CDKAL1: variants seen among roughly 807,000 people sequenced by gnomAD.
The protein encoded by CDKAL1 is threonylcarbamoyladenosine tRNA methylthiotransferase.
In CDKAL1, 32 loss-of-function variants were observed where a neutral mutation model predicts 68.2. The ratio of observed to expected loss-of-function variants is 0.47; its 90% CI spans 0.35 to 0.63. The LOEUF is 0.63. Among genes scored for constraint, CDKAL1 ranks in the 30% least tolerant of loss-of-function variants. The pLI is 0.00. For synonymous variants in CDKAL1, 234 were observed against 244.3 expected, an observed-to-expected ratio of 0.96 and a Z score of 0.39; for missense variants, 606 against 696.7, an observed-to-expected ratio of 0.87 and a Z score of 1.47.
chr6:20,861,039 G>A (rs1338404227), intron 9 of CDKAL1, among the ~76,000 whole-genome samples: 1 of 148,684 alleles, frequency 6.7e-6, no homozygotes, highest in Non-Finnish European at 1.5e-5. Flanking sequence ...AAATACCTTT[G>A]CCAGTAGTGA....
intron 4 of CDKAL1, among the ~76,000 whole-genome samples, chr6:20,620,367 ATGTT>A (rs1200611321): frequency 6.6e-6 from 1 of 152,192 alleles, no homozygotes; most frequent in Non-Finnish European, 1.5e-5. Flanking sequence ...AAGAATTTAA[ATGTT>A]TGTGCCATTT....
Position 20,541,754 on chromosome 6 carries a change from G to A in CDKAL1, c.-5-4592G>A, listed in dbSNP as rs1763397270. On this transcript the variant is annotated intron_variant, in intron 2 of 15. Transcript: ENST00000274695. Reference sequence around the variant, plus strand: ...CGGCTAACCAAAACCTCTGCCTCCCGGGTTCAAGCAATTCTCCTGTCTCAG... The same window carrying A: ...CGGCTAACCAAAACCTCTGCCTCCCAGGTTCAAGCAATTCTCCTGTCTCAG... 2.0e-5 allele frequency among the ~76,000 whole-genome samples: 3 copies of A among 152,032 alleles called. 1 individual carries two copies. The highest frequency in any genetic ancestry group is 4.2e-4 in the South Asian group (2 of 4,818).
intron 5 of CDKAL1, among the ~76,000 whole-genome samples, chr6:20,682,758 A>G (rs1470494300): frequency 6.6e-6 from 1 of 152,218 alleles, no homozygotes; most frequent in Non-Finnish European, 1.5e-5. Context: ...GATTTACTAT[A>G]GCTGTGCTAT....
rs540199929 is a variant in CDKAL1, at chr6:20,697,486, CTTAA to C, written c.372-42028_372-42025del. The stretch of plus-strand genomic sequence containing the variant: ...ATACATTGTATAATTTAAGCAAAAA[CTTAA>C]TTAAGAAAAAAATCATTGGTGGACT... On this transcript the variant is annotated intron_variant, in intron 5 of 15. Coordinates refer to ENST00000274695, the MANE Select transcript of CDKAL1 (RefSeq NM_017774.3). 1.8e-4 allele frequency among the ~76,000 whole-genome samples: 28 copies of C among 152,194 alleles called. 1 individual carries two copies. In the South Asian group the frequency reaches 4.8e-3, roughly 26 times the overall value.
intron 10 of CDKAL1, among the ~76,000 whole-genome samples, chr6:20,978,959 T>C (rs982889554): frequency 1.3e-5 from 2 of 152,186 alleles, no homozygotes; most frequent in Admixed American, 6.5e-5. Context: ...TAAAAAGGAT[T>C]TTAATTTTAG....
At chr6:21,141,143 A>G (rs1413801818) in intron 13 of CDKAL1, among the ~76,000 whole-genome samples, 5 of 152,014 alleles carry the variant, frequency 3.3e-5, no homozygotes, top group Non-Finnish European at 5.9e-5. Flanking sequence ...CAAGCCTTAT[A>G]TTTCACCACT....
At chr6:21,074,068 C>T (rs985838433) in intron 12 of CDKAL1, among the ~76,000 whole-genome samples, 1 of 152,148 alleles carries the variant, frequency 6.6e-6, no homozygotes, top group Non-Finnish European at 1.5e-5. Context: ...GTATTAATGT[C>T]CCAAAGCTTC....
chr6:21,129,682 C>CAAAAAAAAAAAAAAAAAAAAA lies in CDKAL1; in HGVS notation c.1299+21222_1299+21242dup, dbSNP rs34802727. ...ACTATACATTCTGACTGCAGTTTAC[C>CAAAAAAAAAAAAAAAAAAAAA]AAAAAAAAAAAAAAAAAAAAAAAGG... is the stretch of plus-strand genomic sequence containing the variant. On this transcript the variant is annotated intron_variant, in intron 13 of 15. Coordinates refer to ENST00000274695, the MANE Select transcript of CDKAL1 (RefSeq NM_017774.3). Among the ~76,000 whole-genome samples the CAAAAAAAAAAAAAAAAAAAAA allele has an allele frequency of 2.9e-5, 2 of 69,016 alleles. 1 individual carries two copies. Among genetic ancestry groups the CAAAAAAAAAAAAAAAAAAAAA allele is most frequent in the Non-Finnish European group, 5.3e-5 (2 of 38,026 alleles). The allele number at this position is 69,016 out of a possible 152,430, so 45.3% of individuals were successfully genotyped here.
chr6:20,601,031 G>A lies in CDKAL1; in HGVS notation c.287-48262G>A, dbSNP rs145038457. ...TCATGTATTTACTCAGATTGATCCCGGATCCCCTGAGGGAATTGGCAGTTT... is the reference window on the plus strand; with the variant it reads ...TCATGTATTTACTCAGATTGATCCCAGATCCCCTGAGGGAATTGGCAGTTT... On this transcript the variant is annotated intron_variant, in intron 4 of 15. Coordinates refer to ENST00000274695, the MANE Select transcript of CDKAL1 (RefSeq NM_017774.3). Among the ~76,000 whole-genome samples, 301 of 151,940 alleles carry A rather than the reference G, an allele frequency of 2.0e-3. 2 individuals carry two copies. The highest frequency in any genetic ancestry group is 7.0e-3 in the African/African-American group (292 of 41,474).
chr6:20,952,052 A>G (rs1203255224), intron 9 of CDKAL1, among the ~76,000 whole-genome samples: 3 of 143,020 alleles, frequency 2.1e-5, no homozygotes, highest in Admixed American at 1.5e-4. Flanking sequence ...TCCGCCTCCC[A>G]GGTTCACACC....
At position 20,609,112 on chromosome 6, in the gene CDKAL1, G is replaced by A. The variant is rs137867057; in HGVS notation, c.287-40181G>A. 7.5e-4 allele frequency among the ~76,000 whole-genome samples: 114 copies of A among 152,304 alleles called. 1 individual carries two copies. Among genetic ancestry groups the A allele is most frequent in the African/African-American group, 2.6e-3 (109 of 41,576 alleles). On this transcript the variant is annotated intron_variant, in intron 4 of 15. Coordinates refer to ENST00000274695, the MANE Select transcript of CDKAL1 (RefSeq NM_017774.3). ...GGAATATAGCAGAATAACTGGCCTT[G>A]GAGGGACATTGGGTTTTTCAAAACA...
At chr6:20,892,745 C>G (rs1331509127) in intron 9 of CDKAL1, among the ~76,000 whole-genome samples, 1 of 152,186 alleles carries the variant, frequency 6.6e-6, no homozygotes, top group African/African-American at 2.4e-5. Flanking sequence ...CTATCCACTT[C>G]CAGCTTGGCC....
intron 5 of CDKAL1, among the ~76,000 whole-genome samples, chr6:20,702,355 A>G (rs1330787840): frequency 2.6e-5 from 4 of 152,128 alleles, no homozygotes; most frequent in Non-Finnish European, 5.9e-5. Flanking sequence ...TGTGTTAACC[A>G]GCTGAATTAG....
At chr6:20,656,748 A>G (rs1226268242) in intron 5 of CDKAL1, among the ~76,000 whole-genome samples, 1 of 152,218 alleles carries the variant, frequency 6.6e-6, no homozygotes, top group Admixed American at 6.5e-5. Flanking sequence ...AAGTAATGAA[A>G]TGCTGTTTGA....
chr6:21,209,976 A>G (rs1171252656), intron 15 of CDKAL1, among the ~76,000 whole-genome samples: 1 of 152,232 alleles, frequency 6.6e-6, no homozygotes, highest in Non-Finnish European at 1.5e-5. Context: ...ATGACACTGT[A>G]TGCATCAAAG....
intron 10 of CDKAL1, among the ~76,000 whole-genome samples, chr6:20,998,533 C>G (rs1767245861): frequency 6.6e-6 from 1 of 151,944 alleles, no homozygotes; most frequent in Admixed American, 6.6e-5. Flanking sequence ...ATCACTTGAA[C>G]CCGGGAGGTG....
chr6:21,181,981 C>T (rs1044814305), intron 13 of CDKAL1, among the ~76,000 whole-genome samples: 2 of 152,060 alleles, frequency 1.3e-5, no homozygotes, highest in Admixed American at 6.6e-5. Flanking sequence ...AGAGATGGTC[C>T]AGCATTGTTT....
chr6:20,665,308 C>T (rs1344209382), intron 5 of CDKAL1, among the ~76,000 whole-genome samples: 1 of 151,020 alleles, frequency 6.6e-6, no homozygotes, highest in Non-Finnish European at 1.5e-5. Flanking sequence ...TAGCACAGTG[C>T]TCTGAATGTG....
intron 4 of CDKAL1, among the ~76,000 whole-genome samples, chr6:20,584,149 T>C (rs1344430078): frequency 6.6e-6 from 1 of 152,096 alleles, no homozygotes; most frequent in East Asian, 1.9e-4. Context: ...TTACATTTTA[T>C]ATGTTTAGTT....
Sources: gnomAD v4.1 joint callset for allele counts (sites outside exome capture counted in the v4.1 genomes callset) on GRCh38, gnomAD v4.1.1 for gene constraint, MANE v1.5 for transcripts, NCBI Gene and HGNC (gene_info 2026-07-23, HGNC 2026-07-21) for gene names.